KAT6A: variants seen among roughly 807,000 people sequenced by gnomAD.
The protein encoded by KAT6A is histone acetyltransferase KAT6A.
Under a neutral mutation model 198.4 loss-of-function variants are expected in KAT6A, and 9 were observed. The observed-to-expected ratio is 0.05, with a 90% CI of 0.03 to 0.08. The LOEUF is 0.08. Ranked by LOEUF, KAT6A falls within the 10% of genes least tolerant of loss-of-function variation. KAT6A has a pLI of 1.00. For missense variants in KAT6A, 2,077 were observed against 2,509.9 expected (o/e 0.83, Z 3.69); for synonymous variants, 890 against 883.0 (o/e 1.01, Z -0.14).
At chr8:41,989,246 C>T (rs1350908777) in intron 2 of KAT6A, among the ~76,000 whole-genome samples, 3 of 152,126 alleles carry the variant, frequency 2.0e-5, no homozygotes, top group Non-Finnish European at 2.9e-5. Context: ...CAGTGGCTCA[C>T]GCTTGTAATC....
chr8:41,996,667 G>T (rs1001220186), intron 2 of KAT6A, among the ~76,000 whole-genome samples: 4 of 152,118 alleles, frequency 2.6e-5, no homozygotes, highest in Admixed American at 2.6e-4. Context: ...TCTGTCTTGC[G>T]TGCTCGCTTC....
At chr8:42,037,146 T>C (rs887860125) in intron 2 of KAT6A, among the ~76,000 whole-genome samples, 4 of 152,122 alleles carry the variant, frequency 2.6e-5, no homozygotes, top group African/African-American at 9.6e-5. Context: ...ACTAGTCAAA[T>C]TTAATTAGTT....
chr8:41,976,170 A>G (rs576018987), intron 7 of KAT6A, among the ~76,000 whole-genome samples: 34 of 152,330 alleles, frequency 2.2e-4, no homozygotes, highest in African/African-American at 7.2e-4. Flanking sequence ...CCAAGGAGAC[A>G]TTCAGGGAGG....
intron 2 of KAT6A, among the ~76,000 whole-genome samples, chr8:42,027,053 T>C (rs544633237): frequency 6.6e-6 from 1 of 152,296 alleles, no homozygotes; most frequent in Non-Finnish European, 1.5e-5. Context: ...ATTGATGCAA[T>C]GTATCACATT....
intron 2 of KAT6A, among the ~76,000 whole-genome samples, chr8:41,988,336 A>G (rs982643487): frequency 6.6e-6 from 1 of 152,232 alleles, no homozygotes; most frequent in African/African-American, 2.4e-5. Flanking sequence ...GAAGACTGCC[A>G]CCGAAGGTAA....
chr8:41,952,078 T>C (rs1822696010), intron 9 of KAT6A, among the ~76,000 whole-genome samples: 2 of 152,212 alleles, frequency 1.3e-5, no homozygotes, highest in Admixed American at 6.5e-5. Flanking sequence ...CCAAGCTCAA[T>C]GGATGGTAAT....
intron 8 of KAT6A, among the ~76,000 whole-genome samples, chr8:41,972,215 T>G (rs1043640989): frequency 6.6e-6 from 1 of 152,162 alleles, no homozygotes; most frequent in East Asian, 1.9e-4. Flanking sequence ...AAGAAAAAGC[T>G]TCTCCTTACA....
At chr8:42,024,361 A>G (rs975863305) in intron 2 of KAT6A, among the ~76,000 whole-genome samples, 2 of 152,196 alleles carry the variant, frequency 1.3e-5, no homozygotes, top group Non-Finnish European at 1.5e-5. Flanking sequence ...GGTACACGTG[A>G]TATTTTGATA....
chr8:42,010,421 C>G (rs1170962213), intron 2 of KAT6A, among the ~76,000 whole-genome samples: 2 of 152,170 alleles, frequency 1.3e-5, no homozygotes, highest in African/African-American at 4.8e-5. Context: ...GGTTCAGATT[C>G]TAGGACTTCA....
intron 8 of KAT6A, 57 bp downstream of exon 8, chr8:41,974,647 C>T: frequency 1.0e-6 from 1 of 999,428 alleles, no homozygotes. Flanking sequence ...AATTAATCTG[C>T]TGTTTCTCAG....
At chr8:41,954,476 T>C (rs1208457119) in intron 9 of KAT6A, among the ~76,000 whole-genome samples, 2 of 152,230 alleles carry the variant, frequency 1.3e-5, no homozygotes, top group Non-Finnish European at 2.9e-5. Context: ...AACTGAGGCA[T>C]AAGTAGTTTA....
At position 41,933,543 on chromosome 8, in the gene KAT6A, G is replaced by A; in HGVS notation, c.4677C>T (p.Thr1559=). 20 of 1,614,130 alleles carry A rather than the reference G, an allele frequency of 1.2e-5. No homozygotes were observed. Among genetic ancestry groups the A allele is most frequent in the Non-Finnish European group, 1.7e-5 (20 of 1,180,034 alleles). Residue 1559 remains threonine (T), a synonymous_variant, in exon 17 of 17, where the codon ACC becomes ACT. Coordinates refer to ENST00000265713, the MANE Select transcript of KAT6A (RefSeq NM_006766.5). The surrounding 1 kb of genome is among the most constrained non-coding windows in gnomAD (Gnocchi z 6.2). The part of the protein sequence containing the change: ...GFSDLGSIES[T]TENYENPSSY... ...TGCTTGGGTTCTCATAGTTTTCAGT[G>A]GTGCTCTCAATGCTGCCCAGGTCAC... is the stretch of plus-strand genomic sequence containing the variant.
intron 3 of KAT6A, among the ~76,000 whole-genome samples, chr8:41,986,099 C>T (rs546034044): frequency 6.6e-4 from 101 of 152,264 alleles, no homozygotes; most frequent in African/African-American, 2.4e-3. Context: ...AACCACCACG[C>T]CCAGCTAATT....
chr8:41,961,792 A>C (rs1296891072), intron 8 of KAT6A, among the ~76,000 whole-genome samples: 1 of 149,498 alleles, frequency 6.7e-6, no homozygotes, highest in African/African-American at 2.5e-5. Context: ...TTTAGCCCTC[A>C]CAGCTCTATC....
At chr8:41,957,178 C>A (rs761633543) in intron 8 of KAT6A, 1 of 591,774 alleles carries the variant, frequency 1.7e-6, no homozygotes, top group Non-Finnish European at 3.4e-6. Context: ...CAACTGCGCA[C>A]GTCTGTCCAG....
intron 2 of KAT6A, among the ~76,000 whole-genome samples, chr8:42,027,483 T>C (rs896716037): frequency 6.6e-6 from 1 of 152,202 alleles, no homozygotes; most frequent in Non-Finnish European, 1.5e-5. Context: ...TTACTCATTA[T>C]TGGGTGTTCA....
At position 41,933,078 on chromosome 8, in the gene KAT6A, A is replaced by G. The variant is rs775033414; in HGVS notation, c.5142T>C (p.Ala1714=). The G allele has an allele frequency of 1.9e-6, 3 of 1,567,076 alleles. No individual in the cohort carries two copies. In the East Asian group the frequency reaches 7.1e-5, roughly 37 times the overall value. Residue 1714 remains alanine (A), a synonymous_variant, in exon 17 of 17, where the codon GCT becomes GCC. Coordinates refer to ENST00000265713, the MANE Select transcript of KAT6A (RefSeq NM_006766.5). The surrounding 1 kb of genome is among the most constrained non-coding windows in gnomAD (Gnocchi z 6.2). Reference sequence around the variant, plus strand: ...ATTCTGGTATCTCCATGATCATAGGAGCTGGGGTGAAACTGTTATTCATAC... The same window carrying G: ...ATTCTGGTATCTCCATGATCATAGGGGCTGGGGTGAAACTGTTATTCATAC... The part of the protein sequence containing the change: ...QCSMNNSFTP[A]PMIMEIPESG...
chr8:42,005,435 G>GTGTT (rs1484913258), intron 2 of KAT6A, among the ~76,000 whole-genome samples: 1 of 152,184 alleles, frequency 6.6e-6, no homozygotes, highest in Non-Finnish European at 1.5e-5. Context: ...TAAGGGTGGA[G>GTGTT]AACATAGTGA....
intron 2 of KAT6A, among the ~76,000 whole-genome samples, chr8:42,041,507 T>C (rs1827667677): frequency 6.6e-6 from 1 of 151,974 alleles, no homozygotes; most frequent in Admixed American, 6.6e-5. Context: ...GAGGCGGAGG[T>C]GGGCGGATCA....
Sources: allele counts gnomAD v4.1 joint callset (sites outside exome capture counted in the v4.1 genomes callset), GRCh38; gene constraint gnomAD v4.1.1; non-coding constraint Gnocchi (gnomAD v3.1); transcripts MANE v1.5; gene names NCBI Gene and HGNC (gene_info 2026-07-23, HGNC 2026-07-21).